The following ADGRB3 variants were observed in gnomAD, a reference collection of about 807,000 sequenced individuals.
The protein encoded by ADGRB3 is adhesion G protein-coupled receptor B3, also known as brain-specific angiogenesis inhibitor 3.
Under a neutral mutation model 193.4 loss-of-function variants are expected in ADGRB3, and 37 were observed. That is an observed-to-expected ratio of 0.19 (90% CI 0.15 to 0.25). ADGRB3 has a LOEUF of 0.25. Among genes scored for constraint, ADGRB3 ranks in the 10% least tolerant of loss-of-function variants. The pLI is 1.00. For synonymous variants in ADGRB3, 690 were observed against 644.2 expected (o/e 1.07, Z -1.08); for missense variants, 1,637 against 1,852.9 (o/e 0.88, Z 2.14).
chr6:68,755,770 T>C (rs773732232), intron 3 of ADGRB3, among the ~76,000 whole-genome samples: 8 of 152,100 alleles, frequency 5.3e-5, no homozygotes, highest in Non-Finnish European at 8.8e-5. Context: ...TGCCAGGAAG[T>C]GGAGAGTCTC....
intron 20 of ADGRB3, among the ~76,000 whole-genome samples, chr6:69,258,862 T>C (rs1312794962): frequency 6.6e-6 from 1 of 152,170 alleles, no homozygotes. Context: ...TTAAAAATGC[T>C]CCACAGGCGA....
chr6:68,791,555 A>T (rs1299242088), intron 3 of ADGRB3, among the ~76,000 whole-genome samples: 1 of 152,154 alleles, frequency 6.6e-6, no homozygotes, highest in South Asian at 2.1e-4. Context: ...GACACTGCAG[A>T]TTGTCTTAAT....
intron 15 of ADGRB3, 142 bp from the exon 16 acceptor site, chr6:69,062,790 ATG>A: frequency 1.6e-6 from 1 of 607,542 alleles, no homozygotes; most frequent in Non-Finnish European, 2.8e-6. Context: ...CAGCAGTAAA[ATG>A]TGTCTTTCCA....
chr6:68,786,917 T>C (rs1332375527), intron 3 of ADGRB3, among the ~76,000 whole-genome samples: 5 of 151,986 alleles, frequency 3.3e-5, no homozygotes, highest in East Asian at 1.9e-4. Flanking sequence ...TTTGAGGCAA[T>C]TGTGAATGGG....
At chr6:68,794,829 GAC>G (rs1767175775) in intron 3 of ADGRB3, among the ~76,000 whole-genome samples, 1 of 152,050 alleles carries the variant, frequency 6.6e-6, no homozygotes, top group Non-Finnish European at 1.5e-5. Flanking sequence ...TCCTGTATAT[GAC>G]TATTTACTGT....
intron 17 of ADGRB3, among the ~76,000 whole-genome samples, chr6:69,197,272 C>A (rs1047684628): frequency 2.0e-5 from 3 of 151,914 alleles, no homozygotes; most frequent in Non-Finnish European, 4.4e-5. Flanking sequence ...AACAAAAATA[C>A]TTTAACTTTT....
At chr6:69,205,408 T>C (rs568750076) in intron 17 of ADGRB3, among the ~76,000 whole-genome samples, 1 of 145,476 alleles carries the variant, frequency 6.9e-6, no homozygotes, top group African/African-American at 2.6e-5. Context: ...TTTTTTTTTT[T>C]ACCTGAGAAG....
At chr6:69,007,700 C>G (rs1434122633) in intron 11 of ADGRB3, among the ~76,000 whole-genome samples, 6 of 57,622 alleles carry the variant, frequency 1.0e-4, no homozygotes, top group African/African-American at 3.9e-4. Flanking sequence ...CTCTCACACA[C>G]ACACACACAC....
At chr6:68,682,289 C>T (rs1182835813) in intron 3 of ADGRB3, among the ~76,000 whole-genome samples, 1 of 152,112 alleles carries the variant, frequency 6.6e-6, no homozygotes, top group African/African-American at 2.4e-5. Flanking sequence ...GTAATTTTAG[C>T]TTATTTTGTT....
At chr6:68,896,224 A>G (rs1766214584) in intron 3 of ADGRB3, among the ~76,000 whole-genome samples, 1 of 152,112 alleles carries the variant, frequency 6.6e-6, no homozygotes, top group Non-Finnish European at 1.5e-5. Flanking sequence ...TGAAAAATAT[A>G]TGTAAGAGAA....
At chr6:68,825,935 T>C (rs541228683) in intron 3 of ADGRB3, among the ~76,000 whole-genome samples, 1 of 152,306 alleles carries the variant, frequency 6.6e-6, no homozygotes, top group South Asian at 2.1e-4. Flanking sequence ...ACAACCACTT[T>C]TTACAATAAC....
chr6:69,119,614 TGAG>T (rs1277229683), intron 17 of ADGRB3, among the ~76,000 whole-genome samples: 5 of 151,972 alleles, frequency 3.3e-5, no homozygotes, highest in African/African-American at 1.2e-4. Flanking sequence ...TGTAATCACT[TGAG>T]GAAGAGCATT....
chr6:69,324,928 T>C lies in ADGRB3; in HGVS notation c.2871T>C (p.Cys957=), dbSNP rs1170116200. The C allele has an allele frequency of 6.2e-7, 1 of 1,613,900 alleles. No individual in the cohort carries two copies. Among genetic ancestry groups the C allele is most frequent in the South Asian group, 1.1e-5 (1 of 91,060 alleles). ...FLHFFFLASF[C]WVLTEAWQSY... ...ACTTTTTCTTCCTGGCTTCATTCTG[T>C]TGGGTTTTGACTGAGGCGTGGCAAT... The change falls in exon 21 of 32, where the codon TGT becomes TGC. Residue 957 remains cysteine (C), a synonymous_variant. Coordinates refer to ENST00000370598, the MANE Select transcript of ADGRB3 (RefSeq NM_001704.3).
chr6:69,301,903 A>G (rs529949671), intron 20 of ADGRB3, among the ~76,000 whole-genome samples: 9 of 152,118 alleles, frequency 5.9e-5, no homozygotes, highest in Non-Finnish European at 1.2e-4. Flanking sequence ...AAGAAAATGC[A>G]AAGTCATTGT....
chr6:69,048,322 G>T lies in ADGRB3; in HGVS notation c.2245G>T (p.Val749Leu), dbSNP rs759276122. The change falls in exon 14 of 32, where the codon GTG (valine) becomes TTG (leucine). Residue 749 changes from valine to leucine, a missense_variant. This residue lies in a region of ADGRB3 where 641 missense variants were observed against 673.9 expected (regional missense o/e 0.95). Transcript: ENST00000370598. ...AATTCCAAAAAGCATTTTCACTCCGGTGTCATCAAAAGGTAAATATCTGAA... is the reference window on the plus strand; with the variant it reads ...AATTCCAAAAAGCATTTTCACTCCGTTGTCATCAAAAGGTAAATATCTGAA... ...VVIPKSIFTP[V>L]SSKELDESSV... 1.9e-6 allele frequency: 3 copies of T among 1,612,896 alleles called. No homozygotes were observed. The highest frequency in any genetic ancestry group is 2.2e-5 in the East Asian group (1 of 44,784).
intron 15 of ADGRB3, among the ~76,000 whole-genome samples, chr6:69,058,360 T>G (rs1287796953): frequency 1.3e-5 from 2 of 151,854 alleles, no homozygotes; most frequent in Admixed American, 6.6e-5. Flanking sequence ...TAAAAAGGGT[T>G]TGTCAATTTT....
intron 3 of ADGRB3, among the ~76,000 whole-genome samples, chr6:68,928,971 T>C (rs751497536): frequency 2.6e-5 from 4 of 152,194 alleles, no homozygotes; most frequent in Non-Finnish European, 4.4e-5. Context: ...AGTCTAGATA[T>C]AAAATTCCTA....
intron 3 of ADGRB3, among the ~76,000 whole-genome samples, chr6:68,921,814 A>T (rs1032038042): frequency 6.6e-6 from 1 of 151,972 alleles, no homozygotes; most frequent in Non-Finnish European, 1.5e-5. Context: ...AACAAAAAAA[A>T]ATCTATTAAA....
intron 15 of ADGRB3, among the ~76,000 whole-genome samples, chr6:69,061,745 A>G (rs572058757): frequency 1.8e-4 from 8 of 45,266 alleles, no homozygotes; most frequent in Admixed American, 4.2e-4. Context: ...ATGAATCTCA[A>G]AAATGTTATG....
Sources: gnomAD v4.1 joint callset for allele counts (sites outside exome capture counted in the v4.1 genomes callset) on GRCh38, gnomAD v4.1.1 for gene constraint, gnomAD v4.1.1 regional missense constraint, MANE v1.5 for transcripts, NCBI Gene and HGNC (gene_info 2026-07-23, HGNC 2026-07-21) for gene names.